CORO2B: variants seen among roughly 807,000 people sequenced by gnomAD.
CORO2B encodes the protein coronin 2B.
Under a neutral mutation model 58.8 loss-of-function variants are expected in CORO2B, and 26 were observed. That is an observed-to-expected ratio of 0.44 (90% confidence interval 0.32 to 0.61). The LOEUF (loss-of-function observed/expected upper bound fraction) is 0.61. Ranked by LOEUF, CORO2B falls within the 20% of genes least tolerant of loss-of-function variation. The pLI, the probability that CORO2B is intolerant of heterozygous loss-of-function variation, is 0.04. For missense variants in CORO2B, 460 were observed against 645.1 expected, an observed-to-expected ratio of 0.71 and a Z score of 3.11; for synonymous variants, 242 against 253.8, an observed-to-expected ratio of 0.95 and a Z score of 0.44.
chr15:68,699,026 C>T (rs1892579815), intron 3 of CORO2B, among the ~76,000 whole-genome samples: 1 of 152,126 alleles, frequency 6.6e-6, no homozygotes, highest in Admixed American at 6.5e-5. Flanking sequence ...AGAAGCAGGA[C>T]ATTGACAGAC....
At chr15:68,565,370 G>C in the CORO2B span, among the ~76,000 whole-genome samples, 3 of 151,042 alleles carry the variant, frequency 2.0e-5, no homozygotes, top group African/African-American at 7.3e-5. Flanking sequence ...TGTGCATATA[G>C]ATATATTCAA....
chr15:68,645,369 C>T lies in CORO2B; in HGVS notation c.216+9C>T. ...TCATCCCCCTGGAGCAGGTAGGTGG[C>T]CCCTACCTTCACTCCAGCTGCAGCT... On this transcript the variant is annotated intron_variant, in intron 2 of 11. Coordinates refer to ENST00000261861, the MANE Select transcript of CORO2B (RefSeq NM_006091.5). This position sits in a 1 kb window ranked among gnomAD's most constrained non-coding sequence, Gnocchi z 4.5. The T allele has an allele frequency of 1.9e-6, 3 of 1,608,184 alleles. No individual in the cohort carries two copies. The South Asian group carries it at 3.3e-5, about 18-fold the overall frequency.
intron 3 of CORO2B, among the ~76,000 whole-genome samples, chr15:68,707,066 T>C (rs115118695): frequency 0.028 from 4,203 of 152,278 alleles, 198 homozygotes; most frequent in African/African-American, 0.097. Flanking sequence ...GTTCCAGCGA[T>C]AGTCCTGCCT....
At chr15:68,579,898 C>A (rs1899384806) in intron 1 of CORO2B, among the ~76,000 whole-genome samples, 1 of 152,214 alleles carries the variant, frequency 6.6e-6, no homozygotes, top group Non-Finnish European at 1.5e-5. Context: ...TTGGCAGCCC[C>A]CATATTGGAG....
chr15:68,600,261 C>A (rs879872323), intron 1 of CORO2B, among the ~76,000 whole-genome samples: 2 of 152,194 alleles, frequency 1.3e-5, no homozygotes, highest in Admixed American at 6.5e-5. Context: ...TGCACTCCTC[C>A]GTGGAGGCCT....
intron 1 of CORO2B, among the ~76,000 whole-genome samples, chr15:68,582,313 A>C (rs1899446463): frequency 6.6e-6 from 1 of 152,200 alleles, no homozygotes; most frequent in Non-Finnish European, 1.5e-5. Flanking sequence ...TTATAGGATG[A>C]GAAAGAGAAG....
chr15:68,580,693 C>T (rs1566976985), intron 1 of CORO2B, among the ~76,000 whole-genome samples: 1 of 152,020 alleles, frequency 6.6e-6, no homozygotes, highest in Non-Finnish European at 1.5e-5. Flanking sequence ...TGCTATTCAG[C>T]TGGGAGGGAT....
At chr15:68,541,551 C>G in the CORO2B span, among the ~76,000 whole-genome samples, 1 of 152,154 alleles carries the variant, frequency 6.6e-6, no homozygotes, top group African/African-American at 2.4e-5. Context: ...GCAGTCAATA[C>G]CATAATCACA....
chr15:68,695,399 T>TG (rs977288130), intron 3 of CORO2B, 143 bp downstream of exon 3: 23 of 652,056 alleles, frequency 3.5e-5, no homozygotes, highest in South Asian at 2.5e-4. Flanking sequence ...CCCCACGATG[T>TG]GGGGGGGATG....
chr15:68,578,985 C>G (rs1403493797), upstream of CORO2B: 4 of 971,872 alleles, frequency 4.1e-6, no homozygotes, highest in Non-Finnish European at 4.9e-6. The surrounding 1 kb of genome is among the most constrained non-coding windows in gnomAD (Gnocchi z 4.2). Context: ...CTCTCCCTCT[C>G]TCCCTTTCTT....
At chr15:68,536,269 G>A in the CORO2B span, among the ~76,000 whole-genome samples, 1 of 152,168 alleles carries the variant, frequency 6.6e-6, no homozygotes, top group Non-Finnish European at 1.5e-5. Context: ...GCATGAGTTT[G>A]GAACTTGTTC....
At chr15:68,703,073 C>T (rs1790330455) in intron 3 of CORO2B, among the ~76,000 whole-genome samples, 2 of 144,862 alleles carry the variant, frequency 1.4e-5, no homozygotes, top group Admixed American at 6.7e-5. Context: ...GTGATCCACC[C>T]GCCTCGCATC....
chr15:68,590,154 A>C (rs916402398), intron 1 of CORO2B, among the ~76,000 whole-genome samples: 2 of 152,116 alleles, frequency 1.3e-5, no homozygotes, highest in African/African-American at 4.8e-5. Context: ...ATTTCCCTGG[A>C]ACTCTGGCTC....
At chr15:68,714,846 C>G (rs1211495577) in intron 7 of CORO2B, among the ~76,000 whole-genome samples, 183 bp downstream of exon 7, 1 of 152,176 alleles carries the variant, frequency 6.6e-6, no homozygotes, top group Admixed American at 6.5e-5. Flanking sequence ...TGTCTGCTAC[C>G]AAGAATTCCT....
chr15:68,649,662 A>T (rs1901571813), intron 2 of CORO2B, among the ~76,000 whole-genome samples: 1 of 152,264 alleles, frequency 6.6e-6, no homozygotes, highest in African/African-American at 2.4e-5. Flanking sequence ...TAAACTATGT[A>T]TTTATTAACT....
intron 2 of CORO2B, among the ~76,000 whole-genome samples, chr15:68,675,048 T>A (rs186254074): frequency 3.4e-4 from 52 of 152,340 alleles, no homozygotes; most frequent in Admixed American, 1.6e-3. Flanking sequence ...AAAGAGGAAC[T>A]CTTCCCCCTT....
At chr15:68,620,397 G>T (rs1314012768) in intron 1 of CORO2B, among the ~76,000 whole-genome samples, 1 of 152,208 alleles carries the variant, frequency 6.6e-6, no homozygotes, top group Non-Finnish European at 1.5e-5. Context: ...GCAAGAACAT[G>T]TTGGCAGTGA....
At chr15:68,715,404 G>A in intron 8 of CORO2B, 93 bp downstream of exon 8, 3 of 883,682 alleles carry the variant, frequency 3.4e-6, no homozygotes, top group Non-Finnish European at 3.7e-6. Context: ...TGGAAAATCA[G>A]ACTCAGAAGG....
At chr15:68,610,141 C>T (rs982243149) in intron 1 of CORO2B, among the ~76,000 whole-genome samples, 1 of 152,116 alleles carries the variant, frequency 6.6e-6, no homozygotes, top group Non-Finnish European at 1.5e-5. Context: ...GCAGAGATCT[C>T]GGGGAAATGG....
Sources: allele counts gnomAD v4.1 joint callset (sites outside exome capture counted in the v4.1 genomes callset), GRCh38; gene constraint gnomAD v4.1.1; non-coding constraint Gnocchi (gnomAD v3.1); transcripts MANE v1.5; gene names NCBI Gene and HGNC (gene_info 2026-07-23, HGNC 2026-07-21).